The following PCDHGA1 variants were observed in gnomAD, a reference collection of about 807,000 sequenced individuals.
PCDHGA1 encodes protocadherin gamma-A1.
PCDHGA1 carries 32 observed loss-of-function variants against 58.0 expected under a neutral mutation model. The observed-to-expected ratio is 0.55, with a 90% CI of 0.42 to 0.74. The LOEUF is 0.74. Ranked by LOEUF, PCDHGA1 falls within the 30% of genes least tolerant of loss-of-function variation. The pLI, the probability that PCDHGA1 is intolerant of heterozygous loss-of-function variation, is 0.00. For synonymous variants in PCDHGA1, 498 were observed against 501.1 expected, an observed-to-expected ratio of 0.99 and a Z score of 0.08; for missense variants, 1,205 against 1,182.3, an observed-to-expected ratio of 1.02 and a Z score of -0.28.
At position 141,485,163 on chromosome 5, in the gene PCDHGA1, G is replaced by A. The variant is rs2099608470; in HGVS notation, c.2422-9644G>A. 14 of 1,604,624 alleles carry A rather than the reference G, an allele frequency of 8.7e-6. No individual in the cohort carries two copies. The highest frequency in any genetic ancestry group is 1.1e-5 in the Non-Finnish European group (13 of 1,172,560). ...TCTCAGGAGCAAGTAGAGAATTAGCGGGCGGCAGCAATGCTCCGCAAGGTG... is the reference window on the plus strand; with the variant it reads ...TCTCAGGAGCAAGTAGAGAATTAGCAGGCGGCAGCAATGCTCCGCAAGGTG... On this transcript the variant is annotated intron_variant, in intron 1 of 3. Coordinates refer to ENST00000517417, the MANE Select transcript of PCDHGA1 (RefSeq NM_018912.3). The surrounding 1 kb of genome is among the most constrained non-coding windows in gnomAD (Gnocchi z 5.7).
chr5:141,478,271 A>G, intron 1 of PCDHGA1: 1 of 1,614,170 alleles, frequency 6.2e-7, no homozygotes, highest in Non-Finnish European at 8.5e-7. Flanking sequence ...CAAAGTTTAC[A>G]AGTGGAAGCA....
At chr5:141,364,450 CA>C (rs754806491) in intron 1 of PCDHGA1, 3 of 1,613,980 alleles carry the variant, frequency 1.9e-6, no homozygotes, top group Non-Finnish European at 2.5e-6. Context: ...AGGAGCTGGA[CA>C]AAGGCTCCTT....
In PCDHGA1 at chr5:141,432,365, G is replaced by A. The variant is rs1561860587; in HGVS notation, c.2422-62442G>A. The A allele has an allele frequency of 6.2e-7, 1 of 1,614,224 alleles. No homozygotes were observed. The highest frequency in any genetic ancestry group is 2.2e-5 in the East Asian group (1 of 44,882). ...CTTGCAAGTGAAAGTGATGGCGCGG[G>A]ACAACGGGCACCCGCCCCTCAGCAG... On this transcript the variant is annotated intron_variant, in intron 1 of 3. Transcript: ENST00000517417. The surrounding 1 kb of genome is among the most constrained non-coding windows in gnomAD (Gnocchi z 6.0).
intron 1 of PCDHGA1, among the ~76,000 whole-genome samples, chr5:141,447,749 T>G (rs1462661604): frequency 6.6e-6 from 1 of 152,196 alleles, no homozygotes; most frequent in Non-Finnish European, 1.5e-5. Context: ...GAGTCTTGCA[T>G]GTGACTGTAT....
In PCDHGA1 at chr5:141,334,663, G is replaced by C. The variant is rs542080856; in HGVS notation, c.2421+1558G>C. 6.6e-6 allele frequency: 1 copy of C among 152,256 alleles called. No homozygotes were observed. The highest frequency in any genetic ancestry group is 1.9e-4 in the East Asian group (1 of 5,174). The allele number at this position is 152,256 out of a possible 1,614,324, so 9.4% of individuals were successfully genotyped here. On this transcript the variant is annotated intron_variant, in intron 1 of 3. Transcript: ENST00000517417. The surrounding 1 kb of genome is among the most constrained non-coding windows in gnomAD (Gnocchi z 4.6). ...AATTCCGGTGGTTATAACTTTCTTC[G>C]TAAGCTGTGTAGACCAAGAGAGAGA...
Position 141,431,682 on chromosome 5 carries a change from A to C in PCDHGA1, c.2422-63125A>C. The C allele has an allele frequency of 1.2e-6, 2 of 1,614,232 alleles. No homozygotes were observed. Among genetic ancestry groups the C allele is most frequent in the Non-Finnish European group, 1.7e-6 (2 of 1,180,042 alleles). ...ACAATATCAACAATAGGGGAGTTGG[A>C]CCACGAGGAGTCAGGATTCTACCAG... On this transcript the variant is annotated intron_variant, in intron 1 of 3. Transcript: ENST00000517417. The surrounding 1 kb of genome is among the most constrained non-coding windows in gnomAD (Gnocchi z 4.8).
chr5:141,414,908 G>A (rs758472270), intron 1 of PCDHGA1: 19 of 1,614,188 alleles, frequency 1.2e-5, no homozygotes, highest in Non-Finnish European at 1.6e-5. Flanking sequence ...GGTTCCACAG[G>A]CGTGGAGCTG....
At chr5:141,383,533 C>T (rs2240698) in intron 1 of PCDHGA1, 21,821 of 1,612,448 alleles carry the variant, frequency 0.014, 752 homozygotes, top group East Asian at 0.14. Flanking sequence ...CCACCTGGTC[C>T]TCACAGCCTC....
chr5:141,407,406 C>T (rs971404616), intron 1 of PCDHGA1, among the ~76,000 whole-genome samples: 2 of 152,090 alleles, frequency 1.3e-5, no homozygotes, highest in East Asian at 3.8e-4. Flanking sequence ...AGTTACTATT[C>T]GATACCACAA....
intron 1 of PCDHGA1, among the ~76,000 whole-genome samples, chr5:141,474,990 A>G (rs1245269630): frequency 6.6e-6 from 1 of 152,222 alleles, no homozygotes; most frequent in African/African-American, 2.4e-5. Context: ...GGTGACAACA[A>G]TTCTAAATGC....
chr5:141,438,625 TATATATATATACACAC>T (rs1232816129), intron 1 of PCDHGA1, among the ~76,000 whole-genome samples: 1,472 of 46,190 alleles, frequency 0.032, 16 homozygotes, highest in African/African-American at 0.13. Context: ...TATATATATA[TATATATATATACACAC>T]ACACACACAC....
At chr5:141,399,048 G>C (rs779434482) in intron 1 of PCDHGA1, 7 of 1,613,830 alleles carry the variant, frequency 4.3e-6, no homozygotes, top group Non-Finnish European at 5.1e-6. Flanking sequence ...ATTTTGAAGA[G>C]ACCAAGGAAT....
chr5:141,347,188 G>GTCTTTCTTTCTTTCTTTCTTTCTT (rs1271118511), intron 1 of PCDHGA1, among the ~76,000 whole-genome samples: 1 of 41,068 alleles, frequency 2.4e-5, no homozygotes, highest in African/African-American at 2.1e-4. Context: ...TCTTGACAGG[G>GTCTTTCTTTCTTTCTTTCTTTCTT]TCTTACTCTG....
chr5:141,345,854 C>A lies in PCDHGA1; in HGVS notation c.2421+12749C>A, dbSNP rs529957472. On this transcript the variant is annotated intron_variant, in intron 1 of 3. Transcript: ENST00000517417. ...GCCAGAACGCCTGGCTGTCCTACCG[C>A]CTGCTCAAGGCCAGCGAGCCGGGAC... The A allele has an allele frequency of 5.4e-5, 87 of 1,613,508 alleles. No individual in the cohort carries two copies. The South Asian group carries it at 8.8e-4, about 16-fold the overall frequency.
intron 1 of PCDHGA1, chr5:141,421,947 C>T: frequency 6.2e-7 from 1 of 1,613,118 alleles, no homozygotes; most frequent in African/African-American, 1.3e-5. Context: ...ATGATCACAT[C>T]CCAATGTTTA....
chr5:141,462,552 T>G (rs966816379), intron 1 of PCDHGA1, among the ~76,000 whole-genome samples: 4 of 152,194 alleles, frequency 2.6e-5, no homozygotes, highest in African/African-American at 9.6e-5. Context: ...TCTTCTTCAG[T>G]GTTTACTGTA....
Position 141,330,683 on chromosome 5 carries a change from C to T in PCDHGA1, c.-2C>T. 6.2e-7 allele frequency: 1 copy of T among 1,602,106 alleles called. No individual in the cohort carries two copies. The highest frequency in any genetic ancestry group is 1.3e-5 in the African/African-American group (1 of 74,636). ...GGAAGAAAACTACGAAGTGAGAGAG[C>T]CATGAAGATTCAGAAAAAGCTGACT... On this transcript the variant is annotated 5_prime_UTR_variant, in exon 1 of 4. Coordinates refer to ENST00000517417, the MANE Select transcript of PCDHGA1 (RefSeq NM_018912.3).
At chr5:141,356,958 C>T in intron 1 of PCDHGA1, 1 of 1,614,256 alleles carries the variant, frequency 6.2e-7, no homozygotes, top group Non-Finnish European at 8.5e-7. Context: ...ATTCCGGCTA[C>T]CTGGTGACCA....
chr5:141,394,560 G>GGGCT, intron 1 of PCDHGA1: 2 of 1,614,118 alleles, frequency 1.2e-6, no homozygotes, highest in Non-Finnish European at 1.7e-6. Flanking sequence ...CCGCTCCGCA[G>GGGCT]AGCGTGGCTA....
Sources: gnomAD v4.1 joint callset for allele counts (sites outside exome capture counted in the v4.1 genomes callset) on GRCh38, gnomAD v4.1.1 for gene constraint, Gnocchi (gnomAD v3.1) non-coding constraint, MANE v1.5 for transcripts, NCBI Gene and HGNC (gene_info 2026-07-23, HGNC 2026-07-21) for gene names.